EPHB2: variants seen among roughly 807,000 people sequenced by gnomAD.
EPHB2 encodes EPH receptor B2, also known as ephrin type-B receptor 2.
In EPHB2, 18 loss-of-function variants were observed where a neutral mutation model predicts 96.4. The ratio of observed to expected loss-of-function variants is 0.19; its 90% confidence interval spans 0.13 to 0.28. The LOEUF is 0.28. Ranked by LOEUF, EPHB2 falls within the 10% of genes least tolerant of loss-of-function variation. EPHB2 has a pLI of 1.00. For synonymous variants in EPHB2, 506 were observed against 534.1 expected (o/e 0.95, Z 0.72); for missense variants, 989 against 1,355.4 (o/e 0.73, Z 4.25).
At chr1:22,762,316 T>A (rs1172803503) in intron 1 of EPHB2, among the ~76,000 whole-genome samples, 4 of 152,108 alleles carry the variant, frequency 2.6e-5, no homozygotes, top group Non-Finnish European at 4.4e-5. Context: ...CCAGACACCC[T>A]CCACTCCTTA....
intron 1 of EPHB2, among the ~76,000 whole-genome samples, chr1:22,730,002 C>T (rs1643671452): frequency 1.3e-5 from 2 of 152,246 alleles, no homozygotes; most frequent in Admixed American, 1.3e-4. Context: ...GCTGTGACAT[C>T]CATCATCTCC....
In EPHB2 at chr1:22,912,513, G is replaced by T. The variant is rs765569724; in HGVS notation, c.2766G>T (p.Leu922=). The T allele has an allele frequency of 3.2e-5, 52 of 1,614,024 alleles. No individual in the cohort carries two copies. The highest frequency in any genetic ancestry group is 4.3e-5 in the Non-Finnish European group (51 of 1,180,046). ...GCTTTAACACGGTGGACGAGTGGCT[G>T]GAGGCCATCAAGATGGGGCAGTACA... ...YTSFNTVDEW[L]EAIKMGQYKE... is the part of the protein sequence containing the mutation. The change falls in exon 15 of 16, where the codon CTG becomes CTT. Residue 922 remains leucine (L), a synonymous_variant. Transcript: ENST00000374630.
At chr1:22,894,323 C>T (rs1451840803) in intron 7 of EPHB2, among the ~76,000 whole-genome samples, 2 of 152,122 alleles carry the variant, frequency 1.3e-5, no homozygotes, top group Non-Finnish European at 2.9e-5. Context: ...AATAGCTAGG[C>T]GCGGTGGCTC....
intron 12 of EPHB2, 60 bp downstream of exon 12, chr1:22,908,228 A>T: frequency 4.4e-6 from 7 of 1,592,750 alleles, no homozygotes; most frequent in Non-Finnish European, 6.0e-6. Flanking sequence ...ATGAGTGTCC[A>T]TCTCTCCCTG....
rs1053341690 is a variant in EPHB2 at position 22,918,233 on chromosome 1, G to A, written c.*4663G>A. On this transcript the variant is annotated 3_prime_UTR_variant, in exon 16 of 16. Coordinates refer to ENST00000374630, the MANE Select transcript of EPHB2 (RefSeq NM_017449.5). This position sits in a 1 kb window ranked among gnomAD's most constrained non-coding sequence, Gnocchi z 4.2. ...TGCTGCTTCAGTTTCCATCCTCACT[G>A]ACGCAGATAATCCAAAGAGTCACTT... The A allele has an allele frequency of 6.6e-6, 1 of 152,146 alleles. No homozygotes were observed. The highest frequency in any genetic ancestry group is 2.4e-5 in the African/African-American group (1 of 41,426). The allele number at this position is 152,146 out of a possible 1,614,324, so 9.4% of individuals were successfully genotyped here.
chr1:22,894,078 C>G (rs1639475115), intron 7 of EPHB2, among the ~76,000 whole-genome samples: 1 of 152,238 alleles, frequency 6.6e-6, no homozygotes, highest in Admixed American at 6.5e-5. Context: ...CTCACCTCCT[C>G]TGTAATCTTT....
At chr1:22,881,047 G>T (rs1421542510) in intron 5 of EPHB2, among the ~76,000 whole-genome samples, 1 of 152,170 alleles carries the variant, frequency 6.6e-6, no homozygotes, top group African/African-American at 2.4e-5. Context: ...TGATGCAGGA[G>T]GGGATCACTT....
chr1:22,866,190 C>T (rs1401330724), intron 5 of EPHB2, among the ~76,000 whole-genome samples: 3 of 152,054 alleles, frequency 2.0e-5, no homozygotes, highest in Non-Finnish European at 2.9e-5. Flanking sequence ...GTGAGTGTGC[C>T]CCTCAGTTAT....
Position 22,913,299 on chromosome 1 carries a change from A to T in EPHB2, c.2853-163A>T. The T allele has an allele frequency of 1.2e-6, 1 of 850,416 alleles. No homozygotes were observed. Among genetic ancestry groups the T allele is most frequent in the African/African-American group, 1.7e-5 (1 of 59,994 alleles). 52.7% of individuals were successfully genotyped at this position (850,416 alleles called of 1,614,324 possible). ...CAAGTGCTCTTCCACCTCACACCAT[A>T]GTCGCTCCCTCCAGCTGTGGCTGCC... is the stretch of plus-strand genomic sequence containing the variant. On this transcript the variant is annotated intron_variant, in intron 15 of 15. Transcript: ENST00000374630. The surrounding 1 kb of genome is among the most constrained non-coding windows in gnomAD (Gnocchi z 4.1).
Position 22,900,843 on chromosome 1 carries a change from G to C in EPHB2, c.1765+4365G>C, listed in dbSNP as rs145120455. On this transcript the variant is annotated intron_variant, in intron 9 of 15. Transcript: ENST00000374630. ...CATATCCACCCAGCCACCCTGCGTG[G>C]TCAGGACAGAGGAGGAAGCTGAGGC... is the stretch of plus-strand genomic sequence containing the variant. Among the ~76,000 whole-genome samples, 390 of 152,252 alleles carry C rather than the reference G, an allele frequency of 2.6e-3. 4 individuals are homozygous for C. Among genetic ancestry groups the C allele is most frequent in the African/African-American group, 8.6e-3 (357 of 41,542 alleles).
chr1:22,842,437 A>C (rs1645483720), intron 3 of EPHB2, among the ~76,000 whole-genome samples: 1 of 151,936 alleles, frequency 6.6e-6, no homozygotes. Context: ...TCCACCCCTC[A>C]CTGTCACCAC....
intron 3 of EPHB2, among the ~76,000 whole-genome samples, chr1:22,792,107 A>G (rs1477533590): frequency 6.6e-6 from 1 of 150,940 alleles, no homozygotes; most frequent in Non-Finnish European, 1.5e-5. Flanking sequence ...GGGCCTTCAG[A>G]GTTGGATCCT....
rs1570155281 is a variant in EPHB2 at position 22,724,589 on chromosome 1, G to A, written c.61+13546G>A. On this transcript the variant is annotated intron_variant, in intron 1 of 15. Transcript: ENST00000374630. ...TAAATAACTCGTTGCAAAATAAGAA[G>A]TTGGGATTTATACCTGGGTTTGCTT... Among the ~76,000 whole-genome samples, 3 of 152,234 alleles carry A rather than the reference G, an allele frequency of 2.0e-5. No individual in the cohort carries two copies. In the East Asian group the frequency reaches 5.8e-4, roughly 29 times the overall value.
chr1:22,865,084 G>A lies in EPHB2; in HGVS notation c.1175G>A (p.Arg392His), dbSNP rs777940741. The change falls in exon 5 of 16, where the codon CGC (arginine) becomes CAC (histidine). Residue 392 changes from arginine (R) to histidine (H), a missense_variant. Transcript: ENST00000374630. Reference sequence around the variant, plus strand: ...CGCCAGCTAGGCCTGACCGAGCCACGCATTTACATCAGTGACCTGCTGGCC... The same window carrying A: ...CGCCAGCTAGGCCTGACCGAGCCACACATTTACATCAGTGACCTGCTGGCC... ...APRQLGLTEPRIYISDLLAHT... is the reference protein window; with the variant it reads ...APRQLGLTEPHIYISDLLAHT... 9.9e-6 allele frequency: 16 copies of A among 1,614,094 alleles called. No homozygotes were observed. The highest frequency in any genetic ancestry group is 6.7e-5 in the East Asian group (3 of 44,896).
At position 22,910,554 on chromosome 1, in the gene EPHB2, C is replaced by T. The variant is rs1640062780; in HGVS notation, c.2675C>T (p.Ala892Val). Residue 892 changes from alanine (A) to valine (V), a missense_variant, in exon 14 of 16, where the codon GCC becomes GTC. Coordinates refer to ENST00000374630, the MANE Select transcript of EPHB2 (RefSeq NM_017449.5). The stretch of plus-strand genomic sequence containing the variant: ...ATCCGCAATCCCAACAGCCTCAAAG[C>T]CATGGCGCCCCTCTCCTCTGGGTAA... ...KMIRNPNSLKAMAPLSSGINL... is the reference protein window; with the variant it reads ...KMIRNPNSLKVMAPLSSGINL... 1 of 1,605,890 alleles carries T rather than the reference C, an allele frequency of 6.2e-7. No homozygotes were observed. The highest frequency in any genetic ancestry group is 8.5e-7 in the Non-Finnish European group (1 of 1,179,966).
At chr1:22,852,077 C>T (rs1570386305) in intron 3 of EPHB2, among the ~76,000 whole-genome samples, 1 of 152,320 alleles carries the variant, frequency 6.6e-6, no homozygotes, top group East Asian at 1.9e-4. Context: ...GTCTGTGAAA[C>T]AGAGATCATC....
At chr1:22,862,242 T>A (rs1378694102) in intron 3 of EPHB2, among the ~76,000 whole-genome samples, 2 of 152,228 alleles carry the variant, frequency 1.3e-5, no homozygotes, top group African/African-American at 4.8e-5. Flanking sequence ...CCACAGCCCA[T>A]GGGAGAAGCC....
At chr1:22,714,532 G>T (rs1239222246) in intron 1 of EPHB2, among the ~76,000 whole-genome samples, 1 of 152,138 alleles carries the variant, frequency 6.6e-6, no homozygotes, top group Admixed American at 6.5e-5. Context: ...AGCAGTGGGG[G>T]TTGAGACTGA....
At chr1:22,874,825 T>G (rs1638785665) in intron 5 of EPHB2, among the ~76,000 whole-genome samples, 1 of 152,182 alleles carries the variant, frequency 6.6e-6, no homozygotes, top group Non-Finnish European at 1.5e-5. Flanking sequence ...GTTTTTTGTT[T>G]TATTTTTTTC....
Sources: gnomAD v4.1 joint callset for allele counts (sites outside exome capture counted in the v4.1 genomes callset) on GRCh38, gnomAD v4.1.1 for gene constraint, Gnocchi (gnomAD v3.1) non-coding constraint, MANE v1.5 for transcripts, NCBI Gene and HGNC (gene_info 2026-07-23, HGNC 2026-07-21) for gene names.